Variants in SGCD observed in about 807,000 individuals in gnomAD.
SGCD encodes the protein delta-sarcoglycan.
A neutral mutation model predicts 36.6 loss-of-function variants in SGCD; 18 were observed. That is an observed-to-expected ratio of 0.49 (90% CI 0.34 to 0.73). The LOEUF (loss-of-function observed/expected upper bound fraction) is 0.73. Ranked by LOEUF, SGCD falls within the 30% of genes least tolerant of loss-of-function variation. SGCD has a pLI of 0.01. For missense variants in SGCD, 387 were observed against 346.7 expected (o/e 1.12, Z -0.92); for synonymous variants, 133 against 130.6 (o/e 1.02, Z -0.12).
At chr5:156,367,898 C>T (rs546102712) in intron 3 of SGCD, among the ~76,000 whole-genome samples, 4 of 152,290 alleles carry the variant, frequency 2.6e-5, no homozygotes, top group Non-Finnish European at 5.9e-5. Flanking sequence ...CTAGGTTTGA[C>T]CTTCAGCAAT....
chr5:156,155,527 A>G (rs1362476869), intron 3 of SGCD, among the ~76,000 whole-genome samples: 2 of 151,070 alleles, frequency 1.3e-5, no homozygotes, highest in South Asian at 4.2e-4. Flanking sequence ...TTGAACCTAT[A>G]GGTCACAACC....
intron 1 of SGCD, among the ~76,000 whole-genome samples, chr5:156,116,503 T>C (rs1466425650): frequency 2.6e-5 from 4 of 152,154 alleles, no homozygotes; most frequent in Non-Finnish European, 5.9e-5. Flanking sequence ...TTTGCTCTTA[T>C]GAGATGAAAA....
At chr5:156,136,395 A>T (rs905137051) in intron 3 of SGCD, among the ~76,000 whole-genome samples, 5 of 152,214 alleles carry the variant, frequency 3.3e-5, no homozygotes, top group African/African-American at 7.2e-5. Context: ...TATAGGTGTG[A>T]GTCATTATGC....
intron 4 of SGCD, among the ~76,000 whole-genome samples, chr5:156,554,184 C>T (rs765341174): frequency 2.0e-5 from 3 of 151,908 alleles, no homozygotes; most frequent in Admixed American, 6.6e-5. Context: ...GATGAAACCC[C>T]ATCTCTACTA....
the SGCD span, among the ~76,000 whole-genome samples, chr5:155,814,104 T>A: frequency 6.6e-6 from 1 of 152,222 alleles, no homozygotes; most frequent in Non-Finnish European, 1.5e-5. Context: ...CACAAATCCC[T>A]CATCTAGTCT....
intron 1 of SGCD, among the ~76,000 whole-genome samples, chr5:155,910,764 A>T (rs780408123): frequency 1.1e-4 from 16 of 152,166 alleles, no homozygotes; most frequent in Admixed American, 3.3e-4. Context: ...AAAATGAATC[A>T]TGTACACAAA....
At chr5:155,897,954 G>T (rs578223647) in intron 1 of SGCD, among the ~76,000 whole-genome samples, 8 of 152,160 alleles carry the variant, frequency 5.3e-5, no homozygotes, top group African/African-American at 1.7e-4. Context: ...AATTGCTAGC[G>T]TCTAGACATA....
chr5:156,425,558 G>GT lies in SGCD; in HGVS notation c.192+80889dup, dbSNP rs57702540. On this transcript the variant is annotated intron_variant, in intron 3 of 8. Transcript: ENST00000337851. ...ATTTTTTTCTCTACTTGGATGACGG[G>GT]TTTTTTTTATTTAATTTCCATAGTT... Among the ~76,000 whole-genome samples the GT allele has an allele frequency of 8.3e-3, 1,264 of 151,692 alleles. 22 individuals carry two copies. Among genetic ancestry groups the GT allele is most frequent in the African/African-American group, 0.029 (1,192 of 41,376 alleles).
At chr5:156,220,039 A>C (rs1052370967) in intron 3 of SGCD, among the ~76,000 whole-genome samples, 1 of 152,166 alleles carries the variant, frequency 6.6e-6, no homozygotes, top group Non-Finnish European at 1.5e-5. Flanking sequence ...TACTGGAGGC[A>C]GGATATAAGA....
chr5:155,739,305 G>T, the SGCD span, among the ~76,000 whole-genome samples: 1 of 152,178 alleles, frequency 6.6e-6, no homozygotes, highest in Non-Finnish European at 1.5e-5. Flanking sequence ...TTTCCATGCA[G>T]CAGGAAAAGC....
intron 7 of SGCD, among the ~76,000 whole-genome samples, chr5:156,704,842 C>A (rs1754675564): frequency 6.6e-6 from 1 of 151,352 alleles, no homozygotes; most frequent in South Asian, 2.1e-4. Context: ...CTATAGGATG[C>A]CTATGTGGTT....
At chr5:156,206,036 A>T (rs1462212212) in intron 3 of SGCD, among the ~76,000 whole-genome samples, 1 of 148,792 alleles carries the variant, frequency 6.7e-6, no homozygotes, top group East Asian at 1.9e-4. Context: ...GCACATATAC[A>T]AATGAATATG....
intron 4 of SGCD, among the ~76,000 whole-genome samples, chr5:156,516,530 C>A (rs777710942): frequency 6.6e-6 from 1 of 152,166 alleles, no homozygotes; most frequent in African/African-American, 2.4e-5. Context: ...CCTCAAATAA[C>A]AAAGGTAGAT....
chr5:156,528,302 A>T (rs1334152746), intron 4 of SGCD, among the ~76,000 whole-genome samples: 2 of 152,244 alleles, frequency 1.3e-5, no homozygotes, highest in Non-Finnish European at 2.9e-5. Context: ...TATAAGAGTT[A>T]ATTTATGTAA....
At chr5:156,344,250 A>G (rs995840576) in intron 2 of SGCD, among the ~76,000 whole-genome samples, 22 of 152,144 alleles carry the variant, frequency 1.4e-4, no homozygotes, top group African/African-American at 4.8e-4. Context: ...TATGTGTGTG[A>G]CTGTGGCTGT....
At chr5:156,476,454 C>T (rs987902902) in intron 3 of SGCD, among the ~76,000 whole-genome samples, 1 of 152,080 alleles carries the variant, frequency 6.6e-6, no homozygotes, top group Non-Finnish European at 1.5e-5. Context: ...TATTTTTTAC[C>T]TGTAACAGCT....
At chr5:155,809,543 T>G in the SGCD span, among the ~76,000 whole-genome samples, 2 of 152,102 alleles carry the variant, frequency 1.3e-5, no homozygotes, top group Admixed American at 1.3e-4. Flanking sequence ...AATACCTGAA[T>G]GTGTGATCAA....
At chr5:156,018,602 A>G (rs1024931159) in intron 1 of SGCD, among the ~76,000 whole-genome samples, 10 of 152,228 alleles carry the variant, frequency 6.6e-5, no homozygotes, top group Non-Finnish European at 1.5e-4. Flanking sequence ...GCCATCATTT[A>G]TCCATCTCTG....
intron 3 of SGCD, among the ~76,000 whole-genome samples, chr5:156,298,671 T>A (rs1766968128): frequency 6.7e-6 from 1 of 149,046 alleles, no homozygotes; most frequent in Non-Finnish European, 1.5e-5. Context: ...CCTCAGATGA[T>A]CCACCCACCT....
Sources: allele counts gnomAD v4.1 joint callset (sites outside exome capture counted in the v4.1 genomes callset), GRCh38; gene constraint gnomAD v4.1.1; transcripts MANE v1.5; gene names NCBI Gene and HGNC (gene_info 2026-07-23, HGNC 2026-07-21).